Variants in PRKCE observed in about 807,000 individuals in gnomAD.
PRKCE encodes the protein protein kinase C epsilon type.
In PRKCE, 16 loss-of-function variants were observed where a neutral mutation model predicts 85.4. The ratio of observed to expected loss-of-function variants is 0.19; its 90% CI spans 0.13 to 0.28. The LOEUF is 0.28. Among genes scored for constraint, PRKCE ranks in the 10% least tolerant of loss-of-function variants. PRKCE has a pLI of 1.00. For synonymous variants in PRKCE, 388 were observed against 371.5 expected (o/e 1.04, Z -0.51); for missense variants, 573 against 975.2 (o/e 0.59, Z 5.49).
chr2:45,960,063 GAA>G (rs1293948257), intron 2 of PRKCE, among the ~76,000 whole-genome samples: 1 of 152,156 alleles, frequency 6.6e-6, no homozygotes, highest in Non-Finnish European at 1.5e-5. Flanking sequence ...ATTTGGGAAG[GAA>G]AGTTCACTTA....
At chr2:45,958,515 A>C in intron 2 of PRKCE, among the ~76,000 whole-genome samples, 1 of 150,092 alleles carries the variant, frequency 6.7e-6, no homozygotes, top group South Asian at 2.1e-4. Flanking sequence ...TCTCAAAAAA[A>C]AAAAAAAAAG....
intron 13 of PRKCE, among the ~76,000 whole-genome samples, chr2:46,152,918 C>G (rs1479069609): frequency 6.6e-6 from 1 of 152,142 alleles, no homozygotes; most frequent in Non-Finnish European, 1.5e-5. Context: ...GGTGCATGTA[C>G]CATGTTTTAG....
At chr2:45,936,644 C>T (rs956990906) in intron 2 of PRKCE, among the ~76,000 whole-genome samples, 2 of 152,178 alleles carry the variant, frequency 1.3e-5, no homozygotes, top group Non-Finnish European at 2.9e-5. Flanking sequence ...GGAGGATGCC[C>T]TAAGGACAGC....
chr2:46,106,453 G>T (rs1671726102), intron 11 of PRKCE, among the ~76,000 whole-genome samples: 1 of 152,208 alleles, frequency 6.6e-6, no homozygotes, highest in South Asian at 2.1e-4. Flanking sequence ...GCAATAGTTT[G>T]CTTGGGCTGC....
intron 1 of PRKCE, among the ~76,000 whole-genome samples, chr2:45,829,369 T>C (rs1189891121): frequency 4.6e-5 from 7 of 152,240 alleles, no homozygotes; most frequent in Non-Finnish European, 2.9e-5. Flanking sequence ...GGAGCTTCTA[T>C]TCAAGGTGGT....
intron 10 of PRKCE, among the ~76,000 whole-genome samples, chr2:46,033,750 G>A (rs758536316): frequency 2.0e-5 from 3 of 152,182 alleles, no homozygotes; most frequent in Admixed American, 1.3e-4. Context: ...TGCAGGATTC[G>A]ATAGAATCAG....
rs1308996582 is a variant in PRKCE, at chr2:46,155,659, TG to T, written c.1921-3945del. Among the ~76,000 whole-genome samples, 1 of 152,154 alleles carries T rather than the reference TG, an allele frequency of 6.6e-6. No individual in the cohort carries two copies. The highest frequency in any genetic ancestry group is 1.5e-5 in the Non-Finnish European group (1 of 68,022). On this transcript the variant is annotated intron_variant, in intron 13 of 14. Transcript: ENST00000306156. This position sits in a 1 kb window ranked among gnomAD's most constrained non-coding sequence, Gnocchi z 4.7. ...CAAATCTGCTCACTCTCAAATTCCT[TG>T]GTTCAGTAAATGGCACCCTGTCTTC...
intron 10 of PRKCE, among the ~76,000 whole-genome samples, chr2:46,023,059 C>A (rs926323870): frequency 7.7e-6 from 1 of 129,654 alleles, no homozygotes; most frequent in Non-Finnish European, 1.5e-5. Flanking sequence ...GTCCGCAGTC[C>A]GTCCTGGGCG....
Position 46,184,960 on chromosome 2 carries a change from G to T in PRKCE, c.*79G>T, listed in dbSNP as rs574321526. ...CTCCTGTGTTGGAGACACTCAGCAG[G>T]TCTTGAACTACTTCTCCTCCTCGGA... is the stretch of plus-strand genomic sequence containing the variant. On this transcript the variant is annotated 3_prime_UTR_variant, in exon 15 of 15. Coordinates refer to ENST00000306156, the MANE Select transcript of PRKCE (RefSeq NM_005400.3). This position sits in a 1 kb window ranked among gnomAD's most constrained non-coding sequence, Gnocchi z 5.0. 3.9e-6 allele frequency: 6 copies of T among 1,543,164 alleles called. No homozygotes were observed. The African/African-American group carries it at 8.2e-5, about 21-fold the overall frequency.
At chr2:45,733,196 C>G (rs1681739441) in intron 1 of PRKCE, among the ~76,000 whole-genome samples, 1 of 152,202 alleles carries the variant, frequency 6.6e-6, no homozygotes, top group Non-Finnish European at 1.5e-5. Context: ...TGCATGTGAG[C>G]TTGATGCAGG....
At chr2:46,146,836 G>A (rs968182512) in intron 12 of PRKCE, among the ~76,000 whole-genome samples, 8 of 152,292 alleles carry the variant, frequency 5.3e-5, no homozygotes, top group Admixed American at 3.9e-4. Context: ...GTTAAAAAGT[G>A]TAGCTAGATC....
At chr2:45,938,934 G>T (rs542110612) in intron 2 of PRKCE, among the ~76,000 whole-genome samples, 2 of 152,098 alleles carry the variant, frequency 1.3e-5, no homozygotes, top group African/African-American at 4.8e-5. Context: ...CACATTCAGC[G>T]CTCTGCCCTC....
chr2:46,050,859 A>G (rs563380164), intron 10 of PRKCE, among the ~76,000 whole-genome samples: 1 of 152,296 alleles, frequency 6.6e-6, no homozygotes, highest in South Asian at 2.1e-4. Context: ...TAGAAAAGAA[A>G]TCATGGTCTT....
At chr2:46,146,305 G>A (rs1017938302) in intron 12 of PRKCE, among the ~76,000 whole-genome samples, 10 of 152,266 alleles carry the variant, frequency 6.6e-5, no homozygotes, top group African/African-American at 1.2e-4. Flanking sequence ...CGCCCATGGC[G>A]GATAGGTATT....
chr2:46,039,145 G>A (rs1708065891), intron 10 of PRKCE, among the ~76,000 whole-genome samples: 1 of 152,164 alleles, frequency 6.6e-6, no homozygotes, highest in African/African-American at 2.4e-5. Context: ...TGCAAAATAA[G>A]ATAATAGTAA....
intron 14 of PRKCE, among the ~76,000 whole-genome samples, chr2:46,183,450 T>C (rs1393655595): frequency 6.6e-6 from 1 of 152,218 alleles, no homozygotes; most frequent in Non-Finnish European, 1.5e-5. Context: ...ATTTATTCCA[T>C]CATCCAAGTC....
intron 2 of PRKCE, among the ~76,000 whole-genome samples, chr2:45,912,268 T>C (rs1697438126): frequency 6.6e-6 from 1 of 152,134 alleles, no homozygotes; most frequent in Admixed American, 6.5e-5. Context: ...AAGGGGTCAA[T>C]GTCCAGCCTG....
At chr2:46,007,246 C>T (rs1233617285) in intron 8 of PRKCE, among the ~76,000 whole-genome samples, 1 of 152,212 alleles carries the variant, frequency 6.6e-6, no homozygotes, top group African/African-American at 2.4e-5. Context: ...CTGTGTCCTC[C>T]TCCTCTTTGC....
intron 1 of PRKCE, among the ~76,000 whole-genome samples, chr2:45,811,460 A>G (rs1343268948): frequency 6.6e-6 from 1 of 152,236 alleles, no homozygotes; most frequent in Admixed American, 6.5e-5. Context: ...ATTCTTATTA[A>G]AGGAATAATA....
Sources: gnomAD v4.1 joint callset for allele counts (sites outside exome capture counted in the v4.1 genomes callset) on GRCh38, gnomAD v4.1.1 for gene constraint, Gnocchi (gnomAD v3.1) non-coding constraint, MANE v1.5 for transcripts, NCBI Gene and HGNC (gene_info 2026-07-23, HGNC 2026-07-21) for gene names.